Variants in HNF4G observed in about 807,000 individuals in gnomAD.
HNF4G encodes hepatocyte nuclear factor 4 gamma.
HNF4G carries 21 observed loss-of-function variants against 50.9 expected under a neutral mutation model. The observed-to-expected ratio is 0.41, with a 90% CI of 0.29 to 0.59. HNF4G has a LOEUF of 0.59. Ranked by LOEUF, HNF4G falls within the 20% of genes least tolerant of loss-of-function variation. The pLI is 0.26. For synonymous variants in HNF4G, 198 were observed against 185.6 expected (o/e 1.07, Z -0.54); for missense variants, 527 against 559.4 (o/e 0.94, Z 0.58).
intron 1 of HNF4G, among the ~76,000 whole-genome samples, chr8:75,457,558 T>C (rs1415614437): frequency 6.6e-6 from 1 of 152,196 alleles, no homozygotes; most frequent in East Asian, 1.9e-4. Flanking sequence ...GACATTCCCC[T>C]AGATTTTACT....
intron 1 of HNF4G, among the ~76,000 whole-genome samples, chr8:75,418,722 CTTTTTTTTTTTT>C (rs560295179): frequency 1.8e-5 from 2 of 109,406 alleles, no homozygotes; most frequent in Admixed American, 9.6e-5. Context: ...CTCTCTCTCT[CTTTTTTTTTTTT>C]TTTTTTTTTT....
At position 75,558,632 on chromosome 8, in the gene HNF4G, A is replaced by ATTTAGGCAATT; in HGVS notation, c.848_849insTTTAGGCAATT (p.Glu283AspfsTer9). 6.2e-7 allele frequency: 1 copy of ATTTAGGCAATT among 1,613,984 alleles called. No individual in the cohort carries two copies. ...CAAGAAATCCAGATTGATGACAATGAGTATGCTTGTTTAAAGGCAATTGTA... is the reference window on the plus strand; with the variant it reads ...CAAGAAATCCAGATTGATGACAATGATTTAGGCAATTGTATGCTTGTTTAAAGGCAATTGTA... On this transcript the variant is annotated frameshift_variant, in exon 7 of 10. Coordinates refer to ENST00000396423, the MANE Select transcript of HNF4G (RefSeq NM_004133.5). LOFTEE classifies it high-confidence loss of function.
At chr8:75,521,850 T>A (rs1024446768) in intron 2 of HNF4G, among the ~76,000 whole-genome samples, 57 of 152,200 alleles carry the variant, frequency 3.7e-4, no homozygotes, top group African/African-American at 1.3e-3. Context: ...CTCCACATCT[T>A]ACACTTTTGT....
At chr8:75,426,603 C>G (rs775546835) in intron 1 of HNF4G, among the ~76,000 whole-genome samples, 1 of 152,090 alleles carries the variant, frequency 6.6e-6, no homozygotes, top group African/African-American at 2.4e-5. Flanking sequence ...ACTGTTTTAA[C>G]CTTAATAATA....
At chr8:75,529,350 G>A (rs368455789) in intron 2 of HNF4G, among the ~76,000 whole-genome samples, 3 of 151,892 alleles carry the variant, frequency 2.0e-5, no homozygotes, top group South Asian at 2.1e-4. Context: ...CAGCATGGGA[G>A]AAACCAACCT....
At chr8:75,501,187 C>T (rs1203277667) in intron 2 of HNF4G, among the ~76,000 whole-genome samples, 2 of 152,224 alleles carry the variant, frequency 1.3e-5, no homozygotes, top group East Asian at 3.9e-4. Context: ...TACCAGTAAT[C>T]CCAGCACATT....
chr8:75,530,794 C>CTTTTTTTTTTT (rs71567126), intron 2 of HNF4G, among the ~76,000 whole-genome samples: 1 of 132,190 alleles, frequency 7.6e-6, no homozygotes, highest in African/African-American at 2.9e-5. Flanking sequence ...GTTCAATGTG[C>CTTTTTTTTTTT]TTTTTTTTTT....
intron 1 of HNF4G, among the ~76,000 whole-genome samples, chr8:75,427,907 G>C (rs1042146705): frequency 6.6e-6 from 1 of 152,004 alleles, no homozygotes; most frequent in Non-Finnish European, 1.5e-5. Context: ...CTTTTCCTCA[G>C]GGTGCATCCT....
chr8:75,423,335 C>CTTTTTTTTTTTTTT (rs34511777), intron 1 of HNF4G, among the ~76,000 whole-genome samples: 32 of 94,620 alleles, frequency 3.4e-4, no homozygotes, highest in African/African-American at 1.0e-3. Flanking sequence ...TTTTCTTTAT[C>CTTTTTTTTTTTTTT]TTTTTTTTTT....
chr8:75,479,659 A>T (rs1236616433), intron 1 of HNF4G, among the ~76,000 whole-genome samples: 3 of 151,882 alleles, frequency 2.0e-5, no homozygotes, highest in Admixed American at 6.6e-5. Flanking sequence ...TTGAACAAAC[A>T]TTTTTTAAAA....
intron 1 of HNF4G, among the ~76,000 whole-genome samples, chr8:75,466,568 C>G (rs7836111): frequency 0.098 from 12,801 of 130,824 alleles, 717 homozygotes; most frequent in Non-Finnish European, 0.11. Context: ...TCTCTTTTCT[C>G]GCTCCTTCCT....
upstream of HNF4G, among the ~76,000 whole-genome samples, chr8:75,537,288 G>T (rs949565529): frequency 6.6e-6 from 1 of 151,968 alleles, no homozygotes; most frequent in Non-Finnish European, 1.5e-5. Context: ...CTGTCCTCCT[G>T]GCTGGACTGC....
chr8:75,480,418 T>A (rs1051574604), intron 1 of HNF4G, among the ~76,000 whole-genome samples: 5 of 152,166 alleles, frequency 3.3e-5, no homozygotes, highest in Admixed American at 1.3e-4. Context: ...GATACTTAGT[T>A]TGAACTTTAA....
At chr8:75,462,118 T>G (rs1032581324) in intron 1 of HNF4G, among the ~76,000 whole-genome samples, 6 of 151,918 alleles carry the variant, frequency 3.9e-5, no homozygotes, top group Admixed American at 3.3e-4. Flanking sequence ...GGTTTCTCCA[T>G]GTTGGTCAGG....
At chr8:75,505,725 T>C (rs1166844194) in intron 2 of HNF4G, among the ~76,000 whole-genome samples, 1 of 151,412 alleles carries the variant, frequency 6.6e-6, no homozygotes, top group Non-Finnish European at 1.5e-5. Flanking sequence ...CAAATATACA[T>C]ATTCGGGAAT....
chr8:75,417,564 C>T (rs549382414), intron 1 of HNF4G, among the ~76,000 whole-genome samples: 1 of 152,234 alleles, frequency 6.6e-6, no homozygotes, highest in South Asian at 2.1e-4. Flanking sequence ...AGGTCTTATG[C>T]TATTAATCTC....
intron 1 of HNF4G, among the ~76,000 whole-genome samples, chr8:75,414,332 A>G (rs1280904579): frequency 2.0e-5 from 3 of 151,944 alleles, no homozygotes; most frequent in Admixed American, 2.0e-4. Context: ...TACTTTGTGC[A>G]TCAGGAGTTT....
chr8:75,557,546 G>C (rs1279005401), intron 6 of HNF4G, among the ~76,000 whole-genome samples: 17 of 152,164 alleles, frequency 1.1e-4, no homozygotes. Flanking sequence ...ACTTGAACCT[G>C]AGCAGCAGAG....
intron 2 of HNF4G, among the ~76,000 whole-genome samples, chr8:75,523,810 G>A (rs1307517286): frequency 1.3e-5 from 2 of 151,740 alleles, no homozygotes; most frequent in Non-Finnish European, 2.9e-5. Context: ...GATTATAACT[G>A]ATGAGAAACA....
Sources: allele counts gnomAD v4.1 joint callset (sites outside exome capture counted in the v4.1 genomes callset), GRCh38; gene constraint gnomAD v4.1.1; transcripts MANE v1.5; gene names NCBI Gene and HGNC (gene_info 2026-07-23, HGNC 2026-07-21).